MSRB3: variants seen among roughly 807,000 people sequenced by gnomAD.
MSRB3 encodes the protein methionine sulfoxide reductase B3.
MSRB3 carries 13 observed loss-of-function variants against 21.0 expected under a neutral mutation model. The ratio of observed to expected loss-of-function variants is 0.62; its 90% confidence interval spans 0.40 to 0.98. The LOEUF (loss-of-function observed/expected upper bound fraction) is 0.98. Ranked by LOEUF, MSRB3 falls within the 50% of genes least tolerant of loss-of-function variation. The pLI, the probability that MSRB3 is intolerant of heterozygous loss-of-function variation, is 0.00. For missense variants in MSRB3, 199 were observed against 230.3 expected, an observed-to-expected ratio of 0.86 and a Z score of 0.88; for synonymous variants, 87 against 88.6, an observed-to-expected ratio of 0.98 and a Z score of 0.10.
intron 1 of MSRB3, among the ~76,000 whole-genome samples, chr12:65,289,698 C>T (rs1287776361): frequency 6.6e-6 from 1 of 152,086 alleles, no homozygotes; most frequent in Admixed American, 6.6e-5. Flanking sequence ...AATCCTCACC[C>T]ATCTTCCACC....
At chr12:65,361,450 A>T (rs1592564430) in intron 4 of MSRB3, among the ~76,000 whole-genome samples, 1 of 152,156 alleles carries the variant, frequency 6.6e-6, no homozygotes, top group East Asian at 1.9e-4. Context: ...TTTGCTTACG[A>T]TGTGTACCTC....
Position 65,454,833 on chromosome 12 carries a change from C to T in MSRB3, c.390+1008C>T, listed in dbSNP as rs192601014. Among the ~76,000 whole-genome samples the T allele has an allele frequency of 7.9e-5, 12 of 152,260 alleles. No individual in the cohort carries two copies. The East Asian group carries it at 2.3e-3, about 29-fold the overall frequency. ...TAATCTGACACCCACAATCGAGAGA[C>T]TTGAACTTGTGGGTATTTTGTGCTT... On this transcript the variant is annotated intron_variant, in intron 6 of 6. Transcript: ENST00000308259.
At chr12:65,381,929 CTTAA>C (rs937169926) in intron 5 of MSRB3, among the ~76,000 whole-genome samples, 19 of 152,012 alleles carry the variant, frequency 1.2e-4, no homozygotes, top group African/African-American at 3.6e-4. Flanking sequence ...TAAAGACATA[CTTAA>C]TTGATATATA....
chr12:65,443,274 A>AGCCTTAG (rs1333807809), intron 5 of MSRB3, among the ~76,000 whole-genome samples: 1 of 152,134 alleles, frequency 6.6e-6, no homozygotes, highest in Non-Finnish European at 1.5e-5. Context: ...TGTTCTTGAC[A>AGCCTTAG]GCCTTAGTCA....
intron 6 of MSRB3, among the ~76,000 whole-genome samples, chr12:65,460,611 C>G (rs986441809): frequency 6.6e-6 from 1 of 152,140 alleles, no homozygotes; most frequent in Non-Finnish European, 1.5e-5. Flanking sequence ...TATAATGAAG[C>G]CATAACTATC....
chr12:65,422,649 G>A (rs531635666), intron 5 of MSRB3, among the ~76,000 whole-genome samples: 5 of 151,252 alleles, frequency 3.3e-5, no homozygotes, highest in Non-Finnish European at 7.4e-5. Flanking sequence ...GCTGTGGGTA[G>A]TATGAATATT....
chr12:65,418,786 G>T, intron 5 of MSRB3: 2 of 969,656 alleles, frequency 2.1e-6, no homozygotes, highest in South Asian at 1.3e-5. Flanking sequence ...TGTCTGGCGG[G>T]TGGTGGTCTT....
chr12:65,282,630 A>G lies in MSRB3; in HGVS notation c.-52+3765A>G, dbSNP rs145012302. Among the ~76,000 whole-genome samples, 38 of 152,062 alleles carry G rather than the reference A, an allele frequency of 2.5e-4. 1 individual carries two copies. In the East Asian group the frequency reaches 6.4e-3, roughly 26 times the overall value. On this transcript the variant is annotated intron_variant, in intron 1 of 6. Transcript: ENST00000308259. ...GAGATAAGGGACTGGAAAAATCTAG[A>G]ACATTCCCTGTCTCTAGTTTGCTTC...
intron 5 of MSRB3, among the ~76,000 whole-genome samples, chr12:65,393,070 CCTTT>C (rs1407099456): frequency 2.0e-5 from 3 of 151,802 alleles, no homozygotes; most frequent in African/African-American, 4.8e-5. Flanking sequence ...GTGAATTATT[CCTTT>C]CTATTAAAAA....
intron 1 of MSRB3, among the ~76,000 whole-genome samples, chr12:65,303,201 C>G (rs1311238383): frequency 1.3e-5 from 2 of 152,120 alleles, no homozygotes; most frequent in Non-Finnish European, 2.9e-5. Context: ...GTACAATCAG[C>G]TCATTTATTC....
At chr12:65,422,924 A>C (rs1484916802) in intron 5 of MSRB3, among the ~76,000 whole-genome samples, 1 of 145,784 alleles carries the variant, frequency 6.9e-6, no homozygotes, top group African/African-American at 2.5e-5. Context: ...TGAATTTATT[A>C]GTTTTAACAG....
At chr12:65,425,455 G>A (rs186519924) in intron 5 of MSRB3, among the ~76,000 whole-genome samples, 2 of 151,966 alleles carry the variant, frequency 1.3e-5, no homozygotes, top group East Asian at 3.9e-4. Flanking sequence ...ACTTTCCTTT[G>A]TAAGTGGATC....
At chr12:65,437,175 G>A (rs1882158334) in intron 5 of MSRB3, among the ~76,000 whole-genome samples, 2 of 151,834 alleles carry the variant, frequency 1.3e-5, no homozygotes, top group Admixed American at 1.3e-4. Context: ...GGACTAAGGG[G>A]CCAGAGAGCA....
At chr12:65,404,088 T>C (rs111360414) in intron 5 of MSRB3, among the ~76,000 whole-genome samples, 33 of 152,354 alleles carry the variant, frequency 2.2e-4, no homozygotes, top group African/African-American at 5.5e-4. Flanking sequence ...TTTTTAGAGA[T>C]AGAGTTTCAC....
At chr12:65,292,241 G>A (rs1872705482) in intron 1 of MSRB3, among the ~76,000 whole-genome samples, 1 of 152,044 alleles carries the variant, frequency 6.6e-6, no homozygotes, top group Admixed American at 6.6e-5. Context: ...CTTTTCTCTT[G>A]GTTTCTGTTA....
chr12:65,297,472 A>G (rs1873045895), intron 1 of MSRB3, among the ~76,000 whole-genome samples: 7 of 152,332 alleles, frequency 4.6e-5, no homozygotes, highest in Admixed American at 4.6e-4. Context: ...GGGAAACTAT[A>G]AATTGTTGGC....
At chr12:65,443,654 A>C (rs1247636422) in intron 5 of MSRB3, among the ~76,000 whole-genome samples, 1 of 152,076 alleles carries the variant, frequency 6.6e-6, no homozygotes, top group Non-Finnish European at 1.5e-5. Context: ...ATCCTGGCTT[A>C]TAGGCAGTCA....
chr12:65,396,516 C>A (rs1174904061), intron 5 of MSRB3, among the ~76,000 whole-genome samples: 1 of 151,936 alleles, frequency 6.6e-6, no homozygotes, highest in Non-Finnish European at 1.5e-5. Context: ...CATGGTGAAA[C>A]CCTGTCTCTA....
chr12:65,384,284 A>G (rs1179629726), intron 5 of MSRB3, among the ~76,000 whole-genome samples: 1 of 152,140 alleles, frequency 6.6e-6, no homozygotes, highest in Non-Finnish European at 1.5e-5. Flanking sequence ...ATATTTCCCA[A>G]TTCATATGAA....
Sources: gnomAD v4.1 joint callset for allele counts (sites outside exome capture counted in the v4.1 genomes callset) on GRCh38, gnomAD v4.1.1 for gene constraint, MANE v1.5 for transcripts, NCBI Gene and HGNC (gene_info 2026-07-23, HGNC 2026-07-21) for gene names.